The following STKLD1 variants were observed in gnomAD, a reference collection of about 807,000 sequenced individuals.
The protein encoded by STKLD1 is serine/threonine kinase like domain containing 1.
STKLD1 carries 79 observed loss-of-function variants against 80.4 expected under a neutral mutation model. The ratio of observed to expected loss-of-function variants is 0.98; its 90% CI spans 0.82 to 1.19. The LOEUF (loss-of-function observed/expected upper bound fraction) is 1.19. Among genes scored for constraint, STKLD1 ranks in the 50% most tolerant of loss-of-function variants. STKLD1 has a pLI of 0.00. For synonymous variants in STKLD1, 393 were observed against 357.6 expected (o/e 1.10, Z -1.12); for missense variants, 841 against 856.0 (o/e 0.98, Z 0.22).
chr9:133,393,575 A>G (rs71483207), intron 7 of STKLD1, among the ~76,000 whole-genome samples: 16,506 of 121,760 alleles, frequency 0.14, 1,204 homozygotes, highest in African/African-American at 0.24. Flanking sequence ...ATGGGTGGGT[A>G]TGTGGATGGA....
rs1838288912 is a variant in STKLD1, at chr9:133,387,430, G to A, written c.295-17G>A. ...GGGCCTGGGCGTCCTTTGGCTAAGG[G>A]CCTCCTGTCCCAGCAGATCTCTTCT... On this transcript the variant is annotated splice_polypyrimidine_tract_variant and intron_variant, in intron 4 of 17. Transcript: ENST00000371957. 5 of 1,609,748 alleles carry A rather than the reference G, an allele frequency of 3.1e-6. No homozygotes were observed. The Admixed American group carries it at 6.7e-5, about 21-fold the overall frequency.
intron 11 of STKLD1, 126 bp from the exon 12 acceptor site, chr9:133,400,287 C>T: frequency 1.4e-6 from 1 of 692,706 alleles, no homozygotes; most frequent in Non-Finnish European, 2.6e-6. Context: ...CCTCATTGTC[C>T]TTCCCCCTTC....
In STKLD1 at chr9:133,387,363, G is replaced by C. The variant is rs2119216819; in HGVS notation, c.295-84G>C. The C allele has an allele frequency of 2.7e-6, 3 of 1,097,240 alleles. No homozygotes were observed. The South Asian group carries it at 4.0e-5, about 15-fold the overall frequency. The allele number at this position is 1,097,240 out of a possible 1,614,324, so 68.0% of individuals were successfully genotyped here. A position where few individuals can be genotyped will look rare whatever the true frequency, so the allele number is the denominator to read the frequency against. On this transcript the variant is annotated intron_variant, in intron 4 of 17. Coordinates refer to ENST00000371957, the MANE Select transcript of STKLD1 (RefSeq NM_153710.5). ...CACGGCCACTGCAAATGGCAGCTGA[G>C]CGCAGGGAGGCCCTGGAGCAGGTGA... is the stretch of plus-strand genomic sequence containing the variant.
intron 2 of STKLD1, among the ~76,000 whole-genome samples, chr9:133,379,536 G>A (rs1838084166): frequency 1.3e-5 from 2 of 152,226 alleles, no homozygotes; most frequent in African/African-American, 4.8e-5. Context: ...GGGACACCGT[G>A]CTACCCAGTG....
Position 133,403,747 on chromosome 9 carries a change from A to G in STKLD1, c.1522A>G (p.Ser508Gly), listed in dbSNP as rs1554778137. Residue 508 changes from serine to glycine, a missense_variant, in exon 15 of 18, where the codon AGC (serine) becomes GGC (glycine). Ser to Gly is a moderately conservative substitution (Grantham distance 56). Transcript: ENST00000371957. ...APLEKVPDLI[S>G]QVLATYPADG... is the part of the protein sequence containing the mutation. ...CTTGGAGAAGGTCCCGGACCTCATC[A>G]GCCAGGTGTTGGCCACCTACCCTGC... 1.2e-6 allele frequency: 2 copies of G among 1,613,880 alleles called. No homozygotes were observed. Among genetic ancestry groups the G allele is most frequent in the Admixed American group, 1.7e-5 (1 of 60,016 alleles).
At chr9:133,393,262 G>A (rs1044061800) in intron 7 of STKLD1, among the ~76,000 whole-genome samples, 158 of 144,556 alleles carry the variant, frequency 1.1e-3, no homozygotes, top group African/African-American at 3.9e-3. Flanking sequence ...GTAGGTAAGT[G>A]GATGGGTGGG....
intron 2 of STKLD1, among the ~76,000 whole-genome samples, chr9:133,381,443 C>A (rs1164656942): frequency 6.9e-6 from 1 of 144,546 alleles, no homozygotes; most frequent in Non-Finnish European, 1.5e-5. Context: ...GCCACCCCAC[C>A]CAGCCGCTTT....
intron 2 of STKLD1, among the ~76,000 whole-genome samples, chr9:133,381,131 CTTTTTTTT>C (rs35031853): frequency 4.3e-5 from 3 of 69,168 alleles, no homozygotes; most frequent in Admixed American, 1.8e-4. Flanking sequence ...TACGATGTAA[CTTTTTTTT>C]TTTTTTTTTT....
intron 9 of STKLD1, 65 bp from the exon 10 acceptor site, chr9:133,397,099 G>A (rs1838581349): frequency 1.2e-6 from 2 of 1,604,792 alleles, no homozygotes; most frequent in Non-Finnish European, 1.7e-6. Context: ...GGCAGAGGGA[G>A]AGCCCCACGG....
chr9:133,380,610 G>A (rs1009843224), intron 2 of STKLD1, among the ~76,000 whole-genome samples: 5 of 152,122 alleles, frequency 3.3e-5, no homozygotes, highest in East Asian at 1.9e-4. Context: ...TCGAGATTGC[G>A]CCACTGCACT....
At chr9:133,402,271 C>T in intron 13 of STKLD1, among the ~76,000 whole-genome samples, 1 of 152,164 alleles carries the variant, frequency 6.6e-6, no homozygotes, top group East Asian at 1.9e-4. Context: ...AGGAGAGGGC[C>T]ATACAGAGCG....
intron 1 of STKLD1, among the ~76,000 whole-genome samples, chr9:133,378,646 A>G (rs2130258237): frequency 6.6e-6 from 1 of 152,240 alleles, no homozygotes; most frequent in Non-Finnish European, 1.5e-5. Context: ...TACCAGTCAC[A>G]AGATTGGTTA....
At chr9:133,403,603 T>G in intron 14 of STKLD1, 97 bp from the exon 15 acceptor site, 1 of 1,471,958 alleles carries the variant, frequency 6.8e-7, no homozygotes, top group Non-Finnish European at 9.2e-7. Flanking sequence ...TCTGCTGTTG[T>G]CGTTAGCTGG....
chr9:133,381,603 A>G (rs1159525595), intron 2 of STKLD1, among the ~76,000 whole-genome samples: 3 of 150,822 alleles, frequency 2.0e-5, no homozygotes, highest in Non-Finnish European at 2.9e-5. Flanking sequence ...GGCATGTGCC[A>G]CCACGCCCGG....
chr9:133,392,853 G>A (rs1489828216), intron 7 of STKLD1, among the ~76,000 whole-genome samples: 4 of 75,402 alleles, frequency 5.3e-5, no homozygotes, highest in Admixed American at 1.3e-4. Flanking sequence ...GTGAGTGGAT[G>A]GGTGGGTGGG....
intron 2 of STKLD1, among the ~76,000 whole-genome samples, chr9:133,382,950 T>TTGATGGTGTGATGGTGG (rs1263175309): frequency 3.4e-5 from 5 of 148,200 alleles, no homozygotes; most frequent in Admixed American, 3.3e-4. Flanking sequence ...GACAGTGGTG[T>TTGATGGTGTGATGGTGG]TGATGGTGTG....
In STKLD1 at chr9:133,376,471, A is replaced by T. The variant is rs1368885191; in HGVS notation, c.-3A>T. On this transcript the variant is annotated 5_prime_UTR_variant, in exon 1 of 18. Coordinates refer to ENST00000371957, the MANE Select transcript of STKLD1 (RefSeq NM_153710.5). ...GCTCGCCCGTACGCGGTCGCTACTG[A>T]TCATGCTTGGGCCAGGGTCCAATCG... The T allele has an allele frequency of 6.3e-7, 1 of 1,584,616 alleles. No individual in the cohort carries two copies. The highest frequency in any genetic ancestry group is 8.6e-7 in the Non-Finnish European group (1 of 1,168,056).
At position 133,404,706 on chromosome 9, in the gene STKLD1, T is replaced by A. The variant is rs916480896; in HGVS notation, c.1733-83T>A. 22 of 1,537,282 alleles carry A rather than the reference T, an allele frequency of 1.4e-5. No individual in the cohort carries two copies. The African/African-American group carries it at 2.8e-4, about 19-fold the overall frequency. The stretch of plus-strand genomic sequence containing the variant: ...CTGTCCCAGGCCCCTGTGTGAGCTC[T>A]GGGGTCCCATCCCGTCCTGGGCAGA... On this transcript the variant is annotated intron_variant, in intron 16 of 17. Transcript: ENST00000371957.
intron 7 of STKLD1, among the ~76,000 whole-genome samples, chr9:133,393,425 T>G (rs1554776219): frequency 4.7e-5 from 6 of 126,696 alleles, no homozygotes. Context: ...GAGGGATGGG[T>G]GTGTGGGTGG....
Sources: allele counts gnomAD v4.1 joint callset (sites outside exome capture counted in the v4.1 genomes callset), GRCh38; gene constraint gnomAD v4.1.1; transcripts MANE v1.5; gene names NCBI Gene and HGNC (gene_info 2026-07-23, HGNC 2026-07-21).